Variants in GULP1 observed in about 807,000 individuals in gnomAD.
GULP1 encodes PTB domain-containing engulfment adapter protein 1.
GULP1 carries 19 observed loss-of-function variants against 40.9 expected under a neutral mutation model. The observed-to-expected ratio is 0.46, with a 90% CI of 0.32 to 0.68. GULP1 has a LOEUF of 0.68. Among genes scored for constraint, GULP1 ranks in the 30% least tolerant of loss-of-function variants. The probability of loss-of-function intolerance (pLI) is 0.03; values close to 1 mark genes in which losing one functional copy is unlikely to be tolerated. For missense variants in GULP1, 312 were observed against 362.2 expected, an observed-to-expected ratio of 0.86 and a Z score of 1.12; for synonymous variants, 119 against 117.6, an observed-to-expected ratio of 1.01 and a Z score of -0.08.
chr2:188,449,664 G>T (rs540955807), intron 2 of GULP1, among the ~76,000 whole-genome samples: 24 of 152,242 alleles, frequency 1.6e-4, no homozygotes, highest in Non-Finnish European at 3.2e-4. Context: ...TTTCAAATGA[G>T]AATACATTTC....
intron 2 of GULP1, among the ~76,000 whole-genome samples, chr2:188,408,261 C>T (rs2053397686): frequency 6.6e-6 from 1 of 152,136 alleles, no homozygotes; most frequent in South Asian, 2.1e-4. Flanking sequence ...TACTCTTGGA[C>T]ATCTCAGCCT....
chr2:188,556,741 TCTA>T (rs1247589535), intron 7 of GULP1, among the ~76,000 whole-genome samples: 1 of 152,134 alleles, frequency 6.6e-6, no homozygotes, highest in African/African-American at 2.4e-5. Flanking sequence ...TCATTAGAAA[TCTA>T]CTACCACGTT....
chr2:188,505,497 C>T (rs891309250), intron 4 of GULP1, among the ~76,000 whole-genome samples: 3 of 151,756 alleles, frequency 2.0e-5, no homozygotes, highest in African/African-American at 7.3e-5. Context: ...ATAGAATGTA[C>T]ATATTATAAT....
intron 1 of GULP1, among the ~76,000 whole-genome samples, chr2:188,374,463 A>G (rs566072859): frequency 1.3e-5 from 2 of 152,100 alleles, no homozygotes; most frequent in Non-Finnish European, 2.9e-5. Flanking sequence ...AGGCAGTTAG[A>G]TATTTATTTC....
chr2:188,407,729 A>G (rs549685687), intron 2 of GULP1, among the ~76,000 whole-genome samples: 3 of 152,284 alleles, frequency 2.0e-5, no homozygotes, highest in African/African-American at 7.2e-5. Context: ...GAAGAAAGGA[A>G]CAAAGGATGT....
Position 188,354,771 on chromosome 2 carries a change from C to T in GULP1, c.-171-28992C>T, listed in dbSNP as rs566596043. Among the ~76,000 whole-genome samples, 10 of 152,198 alleles carry T rather than the reference C, an allele frequency of 6.6e-5. No homozygotes were observed. In the East Asian group the frequency reaches 1.6e-3, roughly 24 times the overall value. On this transcript the variant is annotated intron_variant, in intron 1 of 11. Transcript: ENST00000409830. ...CATTTTTTTTAATCAGCACATGAAA[C>T]ATTCTCCTGGATAGATCATATGTTA...
chr2:188,512,878 T>G (rs765677751), intron 4 of GULP1, among the ~76,000 whole-genome samples: 1 of 152,080 alleles, frequency 6.6e-6, no homozygotes, highest in Non-Finnish European at 1.5e-5. Flanking sequence ...ATTTGAAAAA[T>G]AATTATAGGA....
chr2:188,540,935 A>G (rs1234744790), intron 6 of GULP1, among the ~76,000 whole-genome samples: 1 of 152,088 alleles, frequency 6.6e-6, no homozygotes, highest in Non-Finnish European at 1.5e-5. Flanking sequence ...ATCTTTGATC[A>G]TTTTGTACTA....
chr2:188,579,583 A>G (rs900435741), intron 9 of GULP1, among the ~76,000 whole-genome samples: 2 of 152,106 alleles, frequency 1.3e-5, no homozygotes, highest in Non-Finnish European at 2.9e-5. Context: ...CTAAACAAAA[A>G]CTGCCAAATT....
chr2:188,299,856 A>C (rs2035812705), intron 1 of GULP1, among the ~76,000 whole-genome samples: 1 of 152,202 alleles, frequency 6.6e-6, no homozygotes. Flanking sequence ...GGCATTGAAA[A>C]GGGACAGTGT....
At chr2:188,454,829 T>C (rs975703743) in intron 2 of GULP1, among the ~76,000 whole-genome samples, 10 of 152,130 alleles carry the variant, frequency 6.6e-5, no homozygotes, top group Admixed American at 1.3e-4. Flanking sequence ...GAAGAAACTT[T>C]AAGAAAACCT....
chr2:188,420,935 T>C (rs1285196649), intron 2 of GULP1, among the ~76,000 whole-genome samples: 1 of 152,136 alleles, frequency 6.6e-6, no homozygotes, highest in African/African-American at 2.4e-5. Flanking sequence ...TCCCTATCTG[T>C]CTGGGAATTT....
chr2:188,563,811 C>A (rs1696957707), intron 7 of GULP1, among the ~76,000 whole-genome samples: 2 of 151,782 alleles, frequency 1.3e-5, no homozygotes, highest in African/African-American at 4.8e-5. Context: ...GAAAACATGA[C>A]AAAGACCTTA....
intron 7 of GULP1, among the ~76,000 whole-genome samples, chr2:188,543,768 T>C (rs546611050): frequency 6.6e-6 from 1 of 152,188 alleles, no homozygotes; most frequent in Non-Finnish European, 1.5e-5. Flanking sequence ...TTGCTACATT[T>C]ATCTCATCAT....
In GULP1 at chr2:188,342,865, T is replaced by A. The variant is rs1048812964; in HGVS notation, c.-171-40898T>A. Among the ~76,000 whole-genome samples the A allele has an allele frequency of 9.9e-5, 15 of 152,194 alleles. 1 individual carries two copies. The highest frequency in any genetic ancestry group is 2.0e-4 in the Admixed American group (3 of 15,274). On this transcript the variant is annotated intron_variant, in intron 1 of 11. Transcript: ENST00000409830. ...AGATGTACTTTTAGTTCCTCATCACTTGAAAATTTGATATTTGAAATTTCT... is the reference window on the plus strand; with the variant it reads ...AGATGTACTTTTAGTTCCTCATCACATGAAAATTTGATATTTGAAATTTCT...
intron 2 of GULP1, among the ~76,000 whole-genome samples, chr2:188,439,070 A>T (rs1365481655): frequency 2.0e-5 from 3 of 152,072 alleles, no homozygotes; most frequent in Non-Finnish European, 4.4e-5. Flanking sequence ...AACCATATTT[A>T]ATTCTTTTTC....
intron 4 of GULP1, among the ~76,000 whole-genome samples, chr2:188,497,219 C>A (rs2062984382): frequency 6.6e-6 from 1 of 151,968 alleles, no homozygotes; most frequent in Non-Finnish European, 1.5e-5. Flanking sequence ...ACATCTTTAG[C>A]TTGAACTTTT....
At chr2:188,453,134 C>G (rs115230474) in intron 2 of GULP1, among the ~76,000 whole-genome samples, 1 of 151,950 alleles carries the variant, frequency 6.6e-6, no homozygotes, top group Non-Finnish European at 1.5e-5. Context: ...TATGGAATTA[C>G]TCACTTTTGT....
intron 1 of GULP1, among the ~76,000 whole-genome samples, chr2:188,346,641 G>A (rs1164460731): frequency 1.3e-5 from 2 of 150,824 alleles, no homozygotes; most frequent in Admixed American, 6.6e-5. Context: ...TACAGGCGCC[G>A]GCCACCACGC....
Sources: allele counts gnomAD v4.1 joint callset (sites outside exome capture counted in the v4.1 genomes callset), GRCh38; gene constraint gnomAD v4.1.1; transcripts MANE v1.5; gene names NCBI Gene and HGNC (gene_info 2026-07-23, HGNC 2026-07-21).